The following NEDD4L variants were observed in gnomAD, a reference collection of about 807,000 sequenced individuals.
NEDD4L encodes NEDD4 like E3 ubiquitin protein ligase.
NEDD4L carries 54 observed loss-of-function variants against 148.9 expected under a neutral mutation model. The ratio of observed to expected loss-of-function variants is 0.36; its 90% confidence interval spans 0.29 to 0.45. NEDD4L has a LOEUF of 0.45. NEDD4L is among the 20% of genes least tolerant of loss of function. The probability of loss-of-function intolerance (pLI) is 1.00; values close to 1 mark genes in which losing one functional copy is unlikely to be tolerated. For synonymous variants in NEDD4L, 433 were observed against 440.7 expected (o/e 0.98, Z 0.22); for missense variants, 856 against 1,233.8 (o/e 0.69, Z 4.59).
intron 1 of NEDD4L, among the ~76,000 whole-genome samples, chr18:58,108,548 G>A (rs2085221523): frequency 6.6e-6 from 1 of 152,144 alleles, no homozygotes; most frequent in South Asian, 2.1e-4. Flanking sequence ...AGCCTCCCGA[G>A]TAGCTGGGAT....
intron 1 of NEDD4L, among the ~76,000 whole-genome samples, chr18:58,099,495 C>G (rs2084628110): frequency 6.6e-6 from 1 of 152,132 alleles, no homozygotes; most frequent in Admixed American, 6.5e-5. Context: ...CCACATTTGT[C>G]GAATGTCTGC....
intron 2 of NEDD4L, among the ~76,000 whole-genome samples, chr18:58,237,733 T>A (rs1600099658): frequency 6.6e-6 from 1 of 152,284 alleles, no homozygotes; most frequent in Non-Finnish European, 1.5e-5. Context: ...TCTATGTAGA[T>A]GCCTATATAA....
chr18:58,192,860 A>AAAAG (rs756307312), intron 2 of NEDD4L, among the ~76,000 whole-genome samples: 4 of 152,186 alleles, frequency 2.6e-5, no homozygotes, highest in Admixed American at 1.3e-4. Context: ...AGATGTGAAA[A>AAAAG]AAAGAAAGAA....
intron 5 of NEDD4L, among the ~76,000 whole-genome samples, chr18:58,272,510 C>A (rs1303857317): frequency 2.0e-5 from 3 of 151,962 alleles, no homozygotes; most frequent in Non-Finnish European, 4.4e-5. Flanking sequence ...TGCCTGTAGT[C>A]CCAGCTATTC....
intron 16 of NEDD4L, among the ~76,000 whole-genome samples, chr18:58,346,977 T>G (rs1346960527): frequency 6.6e-6 from 1 of 152,136 alleles, no homozygotes; most frequent in Non-Finnish European, 1.5e-5. Flanking sequence ...CCACTAGCCT[T>G]AGCCCTCAGA....
intron 3 of NEDD4L, among the ~76,000 whole-genome samples, chr18:58,248,295 G>C (rs1200258723): frequency 1.3e-5 from 2 of 152,172 alleles, no homozygotes; most frequent in Non-Finnish European, 1.5e-5. Context: ...TAGACTGATA[G>C]AAAGATGAAC....
chr18:58,102,607 T>C (rs780009160), intron 1 of NEDD4L, among the ~76,000 whole-genome samples: 1 of 152,172 alleles, frequency 6.6e-6, no homozygotes, highest in Non-Finnish European at 1.5e-5. Context: ...ATTGAAGATA[T>C]TCAGAAATTT....
intron 1 of NEDD4L, among the ~76,000 whole-genome samples, chr18:58,144,652 GAAA>G (rs141426542): frequency 6.8e-6 from 1 of 146,860 alleles, no homozygotes; most frequent in Non-Finnish European, 1.5e-5. Context: ...GTCAGTCCTG[GAAA>G]AAAAAAACAA....
chr18:58,208,347 A>G (rs919731635), intron 2 of NEDD4L, among the ~76,000 whole-genome samples: 2 of 152,264 alleles, frequency 1.3e-5, no homozygotes, highest in African/African-American at 4.8e-5. Flanking sequence ...CATATGAGTC[A>G]GAGCATCTAA....
At chr18:58,189,660 G>T (rs2039883296) in intron 2 of NEDD4L, among the ~76,000 whole-genome samples, 2 of 152,144 alleles carry the variant, frequency 1.3e-5, no homozygotes, top group Non-Finnish European at 2.9e-5. Context: ...TTTCCTCTCT[G>T]GCCAGTGGTT....
chr18:58,336,387 C>G (rs1215633297), intron 13 of NEDD4L, among the ~76,000 whole-genome samples: 1 of 151,982 alleles, frequency 6.6e-6, no homozygotes, highest in Non-Finnish European at 1.5e-5. Flanking sequence ...ACCATCCTGG[C>G]TAACACAGTG....
At chr18:58,049,059 A>G (rs1269523776) in intron 1 of NEDD4L, among the ~76,000 whole-genome samples, 2 of 152,208 alleles carry the variant, frequency 1.3e-5, no homozygotes, top group Non-Finnish European at 2.9e-5. Flanking sequence ...AAGCATCCTT[A>G]TTTCAGAGAA....
chr18:58,061,194 C>T (rs1378939339), intron 1 of NEDD4L, among the ~76,000 whole-genome samples: 9 of 152,108 alleles, frequency 5.9e-5, no homozygotes, highest in African/African-American at 1.2e-4. Context: ...CAAATGCTGC[C>T]GAGGTTGAGA....
At chr18:58,218,477 T>C (rs2043379137) in intron 2 of NEDD4L, among the ~76,000 whole-genome samples, 1 of 152,232 alleles carries the variant, frequency 6.6e-6, no homozygotes, top group South Asian at 2.1e-4. Context: ...CCTCTCCTAC[T>C]GCCAGACTTC....
At chr18:58,123,702 C>G (rs1171768091) in intron 1 of NEDD4L, among the ~76,000 whole-genome samples, 2 of 152,142 alleles carry the variant, frequency 1.3e-5, no homozygotes. Context: ...TTCTGCTCAT[C>G]AGTTCTCCAC....
At chr18:58,083,711 C>T (rs893620080) in intron 1 of NEDD4L, among the ~76,000 whole-genome samples, 32 of 151,492 alleles carry the variant, frequency 2.1e-4, no homozygotes, top group African/African-American at 7.3e-4. Flanking sequence ...AACAAAACAA[C>T]AACAACAGAA....
chr18:58,100,109 G>C (rs186404256), intron 1 of NEDD4L, among the ~76,000 whole-genome samples: 1 of 152,070 alleles, frequency 6.6e-6, no homozygotes, highest in African/African-American at 2.4e-5. Context: ...ATGCATCCTC[G>C]GGCTCGGTAA....
chr18:58,365,560 T>A (rs1184185977), intron 20 of NEDD4L, among the ~76,000 whole-genome samples: 1 of 152,170 alleles, frequency 6.6e-6, no homozygotes, highest in Non-Finnish European at 1.5e-5. Flanking sequence ...GTGGATTATA[T>A]CTACCACCTG....
intron 1 of NEDD4L, among the ~76,000 whole-genome samples, chr18:58,096,029 G>T (rs2084371097): frequency 6.6e-6 from 1 of 151,882 alleles, no homozygotes; most frequent in South Asian, 2.1e-4. Flanking sequence ...CCAAAAGATT[G>T]GACACCCCTG....
Sources: gnomAD v4.1 joint callset for allele counts (sites outside exome capture counted in the v4.1 genomes callset) on GRCh38, gnomAD v4.1.1 for gene constraint, MANE v1.5 for transcripts, NCBI Gene and HGNC (gene_info 2026-07-23, HGNC 2026-07-21) for gene names.